NRXN1: variants seen among roughly 807,000 people sequenced by gnomAD.
NRXN1 encodes the protein neurexin-1.
In NRXN1, 39 loss-of-function variants were observed where a neutral mutation model predicts 150.9. The observed-to-expected ratio is 0.26, with a 90% confidence interval of 0.20 to 0.34. NRXN1 has a LOEUF of 0.34. Ranked by LOEUF, NRXN1 falls within the 10% of genes least tolerant of loss-of-function variation. The pLI is 1.00. For missense variants in NRXN1, 1,815 were observed against 1,949.9 expected (o/e 0.93, Z 1.30); for synonymous variants, 924 against 757.0 (o/e 1.22, Z -3.62).
At chr2:51,019,472 C>T (rs1314743881) in intron 2 of NRXN1, among the ~76,000 whole-genome samples, 2 of 152,016 alleles carry the variant, frequency 1.3e-5, no homozygotes, top group African/African-American at 4.8e-5. Context: ...TATGACCTTA[C>T]CTTTAAGGAG....
intron 21 of NRXN1, among the ~76,000 whole-genome samples, chr2:50,041,981 C>G (rs566974690): frequency 2.6e-5 from 4 of 152,278 alleles, no homozygotes; most frequent in Non-Finnish European, 5.9e-5. Context: ...CCTTCCTAGT[C>G]TTATGAGAAG....
intron 21 of NRXN1, among the ~76,000 whole-genome samples, chr2:49,983,045 T>C (rs1027651410): frequency 6.6e-6 from 1 of 152,220 alleles, no homozygotes; most frequent in African/African-American, 2.4e-5. Context: ...TCCTACACAT[T>C]GTTTTGTACT....
At chr2:49,965,502 A>G (rs1676810549) in intron 21 of NRXN1, among the ~76,000 whole-genome samples, 1 of 151,046 alleles carries the variant, frequency 6.6e-6, no homozygotes, top group Non-Finnish European at 1.5e-5. Flanking sequence ...TCCTGACCTC[A>G]GGCGATCCAC....
intron 13 of NRXN1, among the ~76,000 whole-genome samples, chr2:50,498,387 T>C (rs1229301894): frequency 6.6e-6 from 1 of 152,198 alleles, no homozygotes; most frequent in Non-Finnish European, 1.5e-5. Flanking sequence ...ATGCCTTTTT[T>C]TGTCCTTAAG....
At chr2:50,150,038 A>T (rs918737631) in intron 18 of NRXN1, among the ~76,000 whole-genome samples, 18 of 151,480 alleles carry the variant, frequency 1.2e-4, no homozygotes, top group Middle Eastern at 3.4e-3. Context: ...TATATTTCTT[A>T]TTTTTTTTCC....
At chr2:50,476,396 G>T (rs1305445853) in intron 15 of NRXN1, among the ~76,000 whole-genome samples, 1 of 152,096 alleles carries the variant, frequency 6.6e-6, no homozygotes, top group Non-Finnish European at 1.5e-5. Context: ...GGCTGTCTCA[G>T]TGTAGGCAAG....
At chr2:50,970,536 G>A (rs1404440394) in intron 2 of NRXN1, among the ~76,000 whole-genome samples, 2 of 152,046 alleles carry the variant, frequency 1.3e-5, no homozygotes. Flanking sequence ...ATATTAAGGT[G>A]AGCAGTAAGA....
chr2:50,064,199 AAT>A lies in NRXN1; in HGVS notation c.3719-9157_3719-9156del, dbSNP rs1248695333. Among the ~76,000 whole-genome samples, 3 of 151,746 alleles carry A rather than the reference AAT, an allele frequency of 2.0e-5. No individual in the cohort carries two copies. The East Asian group carries it at 5.8e-4, about 29-fold the overall frequency. ...CAGACACTAAACTAAATAGAGATAA[AAT>A]ATGTGTCTCTATATATAATATATAT... On this transcript the variant is annotated intron_variant, in intron 19 of 22. Transcript: ENST00000401669.
chr2:50,070,421 A>G (rs1391421109), intron 19 of NRXN1, among the ~76,000 whole-genome samples: 1 of 152,122 alleles, frequency 6.6e-6, no homozygotes, highest in African/African-American at 2.4e-5. Flanking sequence ...TTCTGGTTCA[A>G]GAGACATTCT....
At chr2:50,566,252 T>A (rs887436988) in intron 8 of NRXN1, among the ~76,000 whole-genome samples, 2 of 152,076 alleles carry the variant, frequency 1.3e-5, no homozygotes, top group South Asian at 2.1e-4. Context: ...TATAATTATT[T>A]TTTTTTAATT....
intron 5 of NRXN1, among the ~76,000 whole-genome samples, chr2:50,866,313 C>T (rs114659386): frequency 0.038 from 5,829 of 151,888 alleles, 148 homozygotes; most frequent in Admixed American, 0.065. Flanking sequence ...TTTCCATTCT[C>T]AAAATGAAAT....
rs142840919 is a variant in NRXN1 at position 50,432,887 on chromosome 2, T to C, written c.3364+32555A>G. Among the ~76,000 whole-genome samples, 5 of 152,292 alleles carry C rather than the reference T, an allele frequency of 3.3e-5. No homozygotes were observed. In the Middle Eastern group the frequency reaches 0.01, roughly 311 times the overall value. ...CATTTTCCTTTTTGCCAGCAGAGGC[T>C]CCATTTTTGTTTATACAGTGAAGGC... On this transcript the variant is annotated intron_variant, in intron 17 of 22. Coordinates refer to ENST00000401669, the MANE Select transcript of NRXN1 (RefSeq NM_001330078.2).
chr2:50,976,328 T>C (rs7586490), intron 2 of NRXN1, among the ~76,000 whole-genome samples: 98,898 of 151,574 alleles, frequency 0.65, 32,913 homozygotes, highest in African/African-American at 0.78. Context: ...TTTTGGAACC[T>C]ATTTGCTTGA....
At chr2:50,320,924 C>T (rs954643436) in intron 17 of NRXN1, among the ~76,000 whole-genome samples, 5 of 152,138 alleles carry the variant, frequency 3.3e-5, no homozygotes, top group African/African-American at 1.2e-4. Flanking sequence ...CAGCACACAC[C>T]TTCTGTCATG....
chr2:50,325,342 G>T (rs1292287669), intron 17 of NRXN1, among the ~76,000 whole-genome samples: 2 of 152,206 alleles, frequency 1.3e-5, no homozygotes, highest in African/African-American at 4.8e-5. Flanking sequence ...CACTGGAAGG[G>T]AAGATATGAA....
intron 2 of NRXN1, among the ~76,000 whole-genome samples, chr2:51,002,580 C>G (rs527796129): frequency 6.6e-6 from 1 of 151,922 alleles, no homozygotes; most frequent in East Asian, 2.0e-4. Context: ...TGAAAGTATC[C>G]TCTATGTACC....
intron 5 of NRXN1, among the ~76,000 whole-genome samples, chr2:50,765,803 A>C (rs1702317403): frequency 1.3e-5 from 2 of 152,072 alleles, no homozygotes; most frequent in South Asian, 4.1e-4. Context: ...CATTTTTTGA[A>C]GCTATCAGAA....
At chr2:50,011,058 G>T (rs1030068294) in intron 21 of NRXN1, among the ~76,000 whole-genome samples, 1 of 152,022 alleles carries the variant, frequency 6.6e-6, no homozygotes, top group Non-Finnish European at 1.5e-5. Context: ...AGCCTCCTTG[G>T]AGAGTTTTTA....
chr2:50,236,658 T>A, intron 18 of NRXN1, 131 bp downstream of exon 18: 1 of 790,550 alleles, frequency 1.3e-6, no homozygotes, highest in Admixed American at 2.0e-5. Context: ...TCCTCTAGAT[T>A]GTATTCATAT....
Sources: allele counts gnomAD v4.1 joint callset (sites outside exome capture counted in the v4.1 genomes callset), GRCh38; gene constraint gnomAD v4.1.1; transcripts MANE v1.5; gene names NCBI Gene and HGNC (gene_info 2026-07-23, HGNC 2026-07-21).